Variants in MICAL2 observed in about 807,000 individuals in gnomAD.
The protein encoded by MICAL2 is microtubule associated monooxygenase, calponin and LIM domain containing 2, also known as [F-actin]-monooxygenase MICAL2.
In MICAL2, 77 loss-of-function variants were observed where a neutral mutation model predicts 127.3. The ratio of observed to expected loss-of-function variants is 0.60; its 90% CI spans 0.50 to 0.73. The LOEUF (loss-of-function observed/expected upper bound fraction) is 0.73, where lower values mean the gene tolerates loss of function less well. Among genes scored for constraint, MICAL2 ranks in the 30% least tolerant of loss-of-function variants. MICAL2 has a pLI of 0.00. For missense variants in MICAL2, 1,351 were observed against 1,434.4 expected, an observed-to-expected ratio of 0.94 and a Z score of 0.94; for synonymous variants, 570 against 551.1, an observed-to-expected ratio of 1.03 and a Z score of -0.48.
At chr11:12,261,071 G>C in intron 26 of MICAL2, 1 of 985,512 alleles carries the variant, frequency 1.0e-6, no homozygotes, top group South Asian at 4.7e-5. Context: ...GGCTGTGCAG[G>C]GTCCATATTG....
At chr11:12,350,159 G>A (rs1004671576) in intron 33 of MICAL2, among the ~76,000 whole-genome samples, 9 of 152,206 alleles carry the variant, frequency 5.9e-5, no homozygotes, top group African/African-American at 1.7e-4. Context: ...GGCTAAAATA[G>A]GTTTTGGGTA....
Position 12,225,294 on chromosome 11 carries a change from C to T in MICAL2, c.1688+474C>T, listed in dbSNP as rs1294667750. ...TTCTTCGTCTACAAATTAGAAATAG[C>T]AGCAGGGTCATTGGGGAGATCAGGT... is the stretch of plus-strand genomic sequence containing the variant. On this transcript the variant is annotated intron_variant, in intron 13 of 27. Transcript: ENST00000683283. Among the ~76,000 whole-genome samples the T allele has an allele frequency of 2.6e-5, 4 of 152,194 alleles. 1 individual carries two copies. Among genetic ancestry groups the T allele is most frequent in the Admixed American group, 2.6e-4 (4 of 15,280 alleles).
At chr11:12,303,550 A>C (rs1864073731) in intron 29 of MICAL2, 1 of 152,260 alleles carries the variant, frequency 6.6e-6, no homozygotes, top group African/African-American at 2.4e-5. Flanking sequence ...AATATGCATC[A>C]GATTCTGAAG....
intron 32 of MICAL2, among the ~76,000 whole-genome samples, chr11:12,335,058 C>T (rs1938724002): frequency 6.6e-6 from 1 of 151,788 alleles, no homozygotes; most frequent in African/African-American, 2.4e-5. Flanking sequence ...AACTAGTTTA[C>T]AGTCCCACCA....
intron 1 of MICAL2, among the ~76,000 whole-genome samples, chr11:12,125,060 A>G (rs536857264): frequency 1.3e-5 from 2 of 152,344 alleles, no homozygotes; most frequent in East Asian, 3.9e-4. Context: ...GCCTTTAGCC[A>G]CTGGGGCTTC....
At chr11:12,288,746 G>A (rs1439574252), downstream of MICAL2, among the ~76,000 whole-genome samples, 2 of 152,168 alleles carry the variant, frequency 1.3e-5, no homozygotes. Flanking sequence ...GGGAGGACAT[G>A]GATTCAGGCC....
At chr11:12,343,388 A>G (rs1938900561) in intron 32 of MICAL2, among the ~76,000 whole-genome samples, 2 of 139,206 alleles carry the variant, frequency 1.4e-5, no homozygotes, top group East Asian at 4.2e-4. Context: ...AGCCTGGGCG[A>G]CAAGAGCTTC....
intron 22 of MICAL2, chr11:12,250,203 CAA>C (rs1028873445): frequency 1.7e-4 from 26 of 152,328 alleles, no homozygotes; most frequent in Non-Finnish European, 4.4e-5. Flanking sequence ...TGATTTAAGA[CAA>C]GAGAGAAGTC....
chr11:12,223,342 G>A (rs1483031866), intron 11 of MICAL2, 69 bp from the exon 12 acceptor site: 26 of 1,385,386 alleles, frequency 1.9e-5, no homozygotes, highest in Non-Finnish European at 2.1e-5. Flanking sequence ...GGGGTGGGTC[G>A]AGTTTAGGGG....
chr11:12,361,891 G>A (rs887439877), downstream of MICAL2, among the ~76,000 whole-genome samples: 1 of 152,248 alleles, frequency 6.6e-6, no homozygotes, highest in Non-Finnish European at 1.5e-5. Flanking sequence ...CATGAACAGA[G>A]AGGGGCAGTC....
At chr11:12,225,829 G>A (rs1565199296) in intron 13 of MICAL2, 4 of 303,086 alleles carry the variant, frequency 1.3e-5, no homozygotes, top group Non-Finnish European at 2.5e-5. Flanking sequence ...TTTTTTACAA[G>A]ATGCCCATTT....
intron 34 of MICAL2, among the ~76,000 whole-genome samples, chr11:12,357,860 AG>A (rs1350546627): frequency 6.6e-6 from 1 of 152,156 alleles, no homozygotes; most frequent in Non-Finnish European, 1.5e-5. Context: ...AAGAAAAAAA[AG>A]ATTGTGGTCA....
At chr11:12,293,398 G>A (rs181520309), downstream of MICAL2, among the ~76,000 whole-genome samples, 328 of 152,222 alleles carry the variant, frequency 2.2e-3, no homozygotes, top group Non-Finnish European at 3.6e-3. Context: ...TTAGAACAAA[G>A]AGTATCCCTT....
At chr11:12,205,917 G>T (rs1854620685) in intron 4 of MICAL2, among the ~76,000 whole-genome samples, 1 of 152,170 alleles carries the variant, frequency 6.6e-6, no homozygotes, top group South Asian at 2.1e-4. Flanking sequence ...GTTCTTATGA[G>T]GACAAGAATT....
intron 3 of MICAL2, among the ~76,000 whole-genome samples, chr11:12,174,145 C>T (rs897508733): frequency 7.0e-5 from 10 of 142,420 alleles, no homozygotes; most frequent in African/African-American, 1.8e-4. Flanking sequence ...AAAACTTTTC[C>T]AGTAACTGAA....
chr11:12,277,413 A>G (rs565765451), intron 1 of MICAL2, among the ~76,000 whole-genome samples: 1 of 152,326 alleles, frequency 6.6e-6, no homozygotes, highest in Non-Finnish European at 1.5e-5. Flanking sequence ...CAAAGCCCCC[A>G]TTGCAAAGGG....
intron 34 of MICAL2, among the ~76,000 whole-genome samples, chr11:12,356,821 TG>T (rs915429547): frequency 6.6e-6 from 1 of 152,180 alleles, no homozygotes; most frequent in African/African-American, 2.4e-5. Flanking sequence ...CACCAAGATC[TG>T]GGGGGCCACA....
chr11:12,309,928 A>G (rs1864152320), intron 29 of MICAL2, among the ~76,000 whole-genome samples: 1 of 152,156 alleles, frequency 6.6e-6, no homozygotes, highest in Non-Finnish European at 1.5e-5. Flanking sequence ...CCTGATGATT[A>G]GTGATGCTGA....
intron 1 of MICAL2, among the ~76,000 whole-genome samples, chr11:12,132,304 T>C (rs1229460012): frequency 1.3e-5 from 2 of 152,194 alleles, no homozygotes; most frequent in East Asian, 3.9e-4. Flanking sequence ...TTCCACTCTC[T>C]TTCAGATTTC....
Sources: allele counts gnomAD v4.1 joint callset (sites outside exome capture counted in the v4.1 genomes callset), GRCh38; gene constraint gnomAD v4.1.1; transcripts MANE v1.5; gene names NCBI Gene and HGNC (gene_info 2026-07-23, HGNC 2026-07-21).